The following DCAKD variants were observed in gnomAD, a reference collection of about 807,000 sequenced individuals.
DCAKD encodes dephospho-CoA kinase domain containing, also known as dephospho-CoA kinase domain-containing protein.
DCAKD carries 15 observed loss-of-function variants against 18.7 expected under a neutral mutation model. The observed-to-expected ratio is 0.80, with a 90% CI of 0.54 to 1.24. The LOEUF (loss-of-function observed/expected upper bound fraction) is 1.24, where lower values mean the gene tolerates loss of function less well. DCAKD is among the 50% of genes most tolerant of loss of function. The probability of loss-of-function intolerance (pLI) is 0.00; values close to 1 mark genes in which losing one functional copy is unlikely to be tolerated. For synonymous variants in DCAKD, 130 were observed against 133.0 expected, an observed-to-expected ratio of 0.98 and a Z score of 0.16; for missense variants, 301 against 322.0, an observed-to-expected ratio of 0.93 and a Z score of 0.50.
intron 1 of DCAKD, among the ~76,000 whole-genome samples, chr17:45,045,179 C>T (rs760048790): frequency 1.1e-4 from 16 of 152,182 alleles, no homozygotes; most frequent in Non-Finnish European, 1.6e-4. Context: ...AACCCTGCAG[C>T]TAGCTGGATC....
intron 1 of DCAKD, among the ~76,000 whole-genome samples, chr17:45,058,968 C>CGG (rs1172338963): frequency 1.3e-5 from 2 of 152,036 alleles, no homozygotes; most frequent in African/African-American, 4.8e-5. Flanking sequence ...TGGCCGGGCG[C>CGG]GGTGGCTCAC....
At chr17:45,033,196 T>TAAAATAAAAC (rs548526067) in intron 3 of DCAKD, among the ~76,000 whole-genome samples, 53 of 151,874 alleles carry the variant, frequency 3.5e-4, no homozygotes, top group Non-Finnish European at 6.0e-4. Flanking sequence ...TAAAATAAAA[T>TAAAATAAAAC]AAAATAAAAT....
intron 1 of DCAKD, among the ~76,000 whole-genome samples, chr17:45,048,904 T>A (rs1202852353): frequency 6.6e-6 from 1 of 151,888 alleles, no homozygotes; most frequent in Non-Finnish European, 1.5e-5. Context: ...ATTTTCCTAA[T>A]AATCTTGCTT....
chr17:45,053,269 G>A, upstream of DCAKD, among the ~76,000 whole-genome samples: 1 of 137,212 alleles, frequency 7.3e-6, no homozygotes. Context: ...TTGTTTGTTT[G>A]TTTGTTGAGA....
At position 45,034,756 on chromosome 17, in the gene DCAKD, C is replaced by T. The variant is rs754847038; in HGVS notation, c.112+18G>A. ...GGAGCTGCTGTGCACGGCCCCCCAA[C>T]CTGCCCCTCCAACTCACCGTGCCGG... On this transcript the variant is annotated intron_variant, in intron 2 of 4. Coordinates refer to ENST00000651974, the MANE Select transcript of DCAKD (RefSeq NM_001288655.2). 19 of 1,612,916 alleles carry T rather than the reference C, an allele frequency of 1.2e-5. No individual in the cohort carries two copies. The highest frequency in any genetic ancestry group is 2.7e-5 in the African/African-American group (2 of 74,914).
chr17:45,029,355 G>A (rs1021453581), intron 4 of DCAKD, among the ~76,000 whole-genome samples: 5 of 152,270 alleles, frequency 3.3e-5, no homozygotes, highest in African/African-American at 4.8e-5. Context: ...TTAGGCCCTT[G>A]AGGGCCAACC....
upstream of DCAKD, among the ~76,000 whole-genome samples, chr17:45,056,124 C>CA (rs1311882954): frequency 6.7e-6 from 1 of 149,042 alleles, no homozygotes; most frequent in Non-Finnish European, 1.5e-5. Context: ...CATTGCACTC[C>CA]AGCCTAGGCA....
chr17:45,024,965 G>A (rs2053024261), intron 4 of DCAKD, among the ~76,000 whole-genome samples: 2 of 151,400 alleles, frequency 1.3e-5, no homozygotes, highest in African/African-American at 2.4e-5. Context: ...TATGGGCTAC[G>A]GAAGCCCCTT....
At chr17:45,049,545 T>G (rs1362808739) in intron 1 of DCAKD, among the ~76,000 whole-genome samples, 1 of 151,806 alleles carries the variant, frequency 6.6e-6, no homozygotes, top group African/African-American at 2.4e-5. Flanking sequence ...ATATTTAGAC[T>G]TCACTGCAGG....
intron 1 of DCAKD, among the ~76,000 whole-genome samples, chr17:45,040,428 G>C (rs561757562): frequency 1.3e-5 from 2 of 151,288 alleles, no homozygotes; most frequent in Non-Finnish European, 2.9e-5. Flanking sequence ...CAAACCAAGG[G>C]ATGACATTAC....
rs182394663 is a variant in DCAKD, at chr17:45,039,953, C to T, written c.-114-4954G>A. 1.8e-3 allele frequency among the ~76,000 whole-genome samples: 272 copies of T among 151,632 alleles called. 2 individuals are homozygous for T. The highest frequency in any genetic ancestry group is 5.9e-3 in the African/African-American group (242 of 41,262). ...ACTAAAAATACAAAAATTAGCTGGGCGTGGTGGTGCATGCCTGTAATCCCA... is the reference window on the plus strand; with the variant it reads ...ACTAAAAATACAAAAATTAGCTGGGTGTGGTGGTGCATGCCTGTAATCCCA... On this transcript the variant is annotated intron_variant, in intron 1 of 4. Coordinates refer to ENST00000651974, the MANE Select transcript of DCAKD (RefSeq NM_001288655.2).
chr17:45,030,249 GC>G, intron 3 of DCAKD, 70 bp from the exon 4 acceptor site: 1 of 1,441,916 alleles, frequency 6.9e-7, no homozygotes, highest in Non-Finnish European at 9.8e-7. Flanking sequence ...GATATGCTGG[GC>G]CCCACCGTCC....
chr17:45,054,590 G>A (rs1475220957), upstream of DCAKD, among the ~76,000 whole-genome samples: 1 of 152,172 alleles, frequency 6.6e-6, no homozygotes, highest in Admixed American at 6.5e-5. Flanking sequence ...CAGTTAGAAA[G>A]TTCTTTCTTA....
At chr17:45,031,954 G>A (rs1003057751) in intron 3 of DCAKD, 12 of 985,226 alleles carry the variant, frequency 1.2e-5, no homozygotes, top group African/African-American at 7.0e-5. Flanking sequence ...TCACCTTATC[G>A]AGCTCAAAAG....
upstream of DCAKD, among the ~76,000 whole-genome samples, chr17:45,056,482 T>A (rs917134384): frequency 1.8e-4 from 24 of 136,440 alleles, no homozygotes; most frequent in Admixed American, 7.7e-4. Flanking sequence ...ATATATATTT[T>A]TTTTTTCCCA....
intron 1 of DCAKD, among the ~76,000 whole-genome samples, chr17:45,050,999 C>A (rs921064415): frequency 5.9e-5 from 9 of 152,128 alleles, no homozygotes; most frequent in African/African-American, 2.2e-4. Context: ...GAGAGGGAAG[C>A]GGAGGAGAGG....
At chr17:45,053,243 T>C (rs1383837986), upstream of DCAKD, among the ~76,000 whole-genome samples, 1 of 102,840 alleles carries the variant, frequency 9.7e-6, no homozygotes, top group Non-Finnish European at 2.1e-5. Context: ...TTGTTTTTGT[T>C]TTTTTTTTGT....
exon 1 of DCAKD, chr17:45,060,929 C>A: frequency 1.3e-6 from 1 of 750,414 alleles, no homozygotes; most frequent in Non-Finnish European, 1.6e-6. Flanking sequence ...AATAACGGCT[C>A]CCAGCGGCCC....
rs1045839314 is a variant in DCAKD, at chr17:45,030,238, T to C, written c.317-59A>G. 4 of 1,503,818 alleles carry C rather than the reference T, an allele frequency of 2.7e-6. No individual in the cohort carries two copies. The African/African-American group carries it at 5.5e-5, about 21-fold the overall frequency. 93.2% of individuals were successfully genotyped at this position (1,503,818 alleles called of 1,614,324 possible). ...TCTGCAAGCGCACACTGAGGACTGA[T>C]GATATGCTGGGCCCCACCGTCCAGA... On this transcript the variant is annotated intron_variant, in intron 3 of 4. Transcript: ENST00000651974.
Sources: allele counts gnomAD v4.1 joint callset (sites outside exome capture counted in the v4.1 genomes callset), GRCh38; gene constraint gnomAD v4.1.1; transcripts MANE v1.5; gene names NCBI Gene and HGNC (gene_info 2026-07-23, HGNC 2026-07-21).